The following FANK1 variants were observed in gnomAD, a reference collection of about 807,000 sequenced individuals.
The protein encoded by FANK1 is fibronectin type III and ankyrin repeat domains 1.
Under a neutral mutation model 45.3 loss-of-function variants are expected in FANK1, and 44 were observed. That is an observed-to-expected ratio of 0.97 (90% CI 0.76 to 1.25). The LOEUF (loss-of-function observed/expected upper bound fraction) is 1.25, where lower values mean the gene tolerates loss of function less well. Ranked by LOEUF, FANK1 falls within the 50% of genes most tolerant of loss-of-function variation. FANK1 has a pLI of 0.00. For missense variants in FANK1, 391 were observed against 424.4 expected (o/e 0.92, Z 0.69); for synonymous variants, 149 against 152.5 (o/e 0.98, Z 0.17).
Position 125,940,216 on chromosome 10 carries a change from G to A in FANK1, c.14-39945G>A, listed in dbSNP as rs1313220496. 5.3e-5 allele frequency among the ~76,000 whole-genome samples: 8 copies of A among 152,046 alleles called. No homozygotes were observed. The East Asian group carries it at 1.2e-3, about 22-fold the overall frequency. ...CCCAGGAGACCGGTGCTCAGCATAC[G>A]GAGGACCTGTACCAGCACCGGTCTC... On this transcript the variant is annotated intron_variant, in intron 1 of 10. Transcript: ENST00000368693.
chr10:125,990,880 G>T (rs1232394537), intron 3 of FANK1, among the ~76,000 whole-genome samples: 2 of 152,138 alleles, frequency 1.3e-5, no homozygotes, highest in Non-Finnish European at 2.9e-5. Context: ...TGTCTTCCAC[G>T]GCGGCAGGCA....
chr10:126,004,787 G>A, intron 6 of FANK1, 97 bp from the exon 7 acceptor site: 1 of 1,261,704 alleles, frequency 7.9e-7, no homozygotes, highest in Non-Finnish European at 1.1e-6. Flanking sequence ...TTCCACTCAA[G>A]TTAGGATTTC....
intron 6 of FANK1, 21 bp from the exon 7 acceptor site, chr10:126,004,863 C>T (rs2138283): frequency 0.99 from 1,595,090 of 1,612,462 alleles, 788,979 homozygotes; most frequent in East Asian, 1. Context: ...TGTCAAATGC[C>T]GCTTCTTCCA....
chr10:125,917,428 A>G (rs1482214310), intron 1 of FANK1, among the ~76,000 whole-genome samples: 2 of 152,174 alleles, frequency 1.3e-5, no homozygotes, highest in Non-Finnish European at 2.9e-5. Flanking sequence ...TTCATGAATC[A>G]TGAATAAAAG....
intron 1 of FANK1, among the ~76,000 whole-genome samples, chr10:125,933,413 A>G (rs1947877787): frequency 6.6e-6 from 1 of 151,972 alleles, no homozygotes; most frequent in African/African-American, 2.4e-5. Flanking sequence ...TTTTCTACTT[A>G]TGTGTGTAAA....
intron 1 of FANK1, among the ~76,000 whole-genome samples, chr10:125,905,072 A>G (rs1945375296): frequency 1.4e-5 from 2 of 143,704 alleles, no homozygotes; most frequent in African/African-American, 5.2e-5. Flanking sequence ...CGGACCTTGC[A>G]GTGAGCTGAA....
Position 125,899,355 on chromosome 10 carries a change from C to T in FANK1, c.13+2700C>T, listed in dbSNP as rs1007827942. Among the ~76,000 whole-genome samples the T allele has an allele frequency of 5.9e-5, 9 of 152,244 alleles. No individual in the cohort carries two copies. In the South Asian group the frequency reaches 6.2e-4, roughly 11 times the overall value. On this transcript the variant is annotated intron_variant, in intron 1 of 10. Transcript: ENST00000368693. Reference sequence around the variant, plus strand: ...GATTACAGGCGTGAGCCACCGTGCCCGGCCCCTAATTTTCTTTTTAATTTT... The same window carrying T: ...GATTACAGGCGTGAGCCACCGTGCCTGGCCCCTAATTTTCTTTTTAATTTT...
At chr10:126,008,627 T>G in intron 8 of FANK1, 77 bp downstream of exon 8, 1 of 1,518,428 alleles carries the variant, frequency 6.6e-7, no homozygotes, top group East Asian at 2.3e-5. Context: ...TAGACAATTC[T>G]TGTGAGTTCA....
At chr10:125,956,388 A>G (rs1190120535) in intron 1 of FANK1, among the ~76,000 whole-genome samples, 6 of 152,226 alleles carry the variant, frequency 3.9e-5, no homozygotes, top group Non-Finnish European at 8.8e-5. Context: ...TCCAAGCTCT[A>G]ATGTTAAGCC....
chr10:125,994,341 A>G (rs1300626223), intron 3 of FANK1: 4 of 957,932 alleles, frequency 4.2e-6, no homozygotes, highest in African/African-American at 1.8e-5. Flanking sequence ...CTAACCCCCT[A>G]GAGCCTAGCA....
intron 1 of FANK1, among the ~76,000 whole-genome samples, chr10:125,954,018 C>T (rs948622217): frequency 5.9e-5 from 9 of 152,332 alleles, no homozygotes; most frequent in East Asian, 5.8e-4. Flanking sequence ...GCACACCGAA[C>T]GAAGGAGGGA....
Position 125,996,561 on chromosome 10 carries a change from T to C in FANK1, c.410T>C (p.Val137Ala). The change falls in exon 5 of 11, where the codon GTT (valine) becomes GCT (alanine). Residue 137 changes from valine (V) to alanine (A), a missense_variant. Coordinates refer to ENST00000368693, the MANE Select transcript of FANK1 (RefSeq NM_145235.5). ...CTGCTTTTCCCAAGCCGTGTTAAGG[T>C]TGATGTTCCCAATAAGTTTGGCTTT... ...VRILQGGRVK[V>A]DVPNKFGFTA... 6.2e-7 allele frequency: 1 copy of C among 1,614,156 alleles called. No individual in the cohort carries two copies. The highest frequency in any genetic ancestry group is 8.5e-7 in the Non-Finnish European group (1 of 1,180,024).
chr10:125,939,047 C>G (rs928886956), intron 1 of FANK1, among the ~76,000 whole-genome samples: 1 of 152,128 alleles, frequency 6.6e-6, no homozygotes, highest in Non-Finnish European at 1.5e-5. Context: ...GGAAAATATA[C>G]AGTATCATCT....
At position 125,988,678 on chromosome 10, in the gene FANK1, G is replaced by A. The variant is rs754476974; in HGVS notation, c.316+3G>A. 1.9e-6 allele frequency: 3 copies of A among 1,614,174 alleles called. No homozygotes were observed. In the South Asian group the frequency reaches 3.3e-5, roughly 18 times the overall value. ...ACTCGTCTCAGTGTCTACAACCAGT[G>A]AGTATTCAGACCGTCCACACTCACC... On this transcript the variant is annotated splice_donor_region_variant and intron_variant, in intron 3 of 10. Transcript: ENST00000368693.
intron 1 of FANK1, among the ~76,000 whole-genome samples, chr10:125,952,796 TACATACACACACAC>T (rs1332477804): frequency 5.0e-5 from 5 of 101,008 alleles, no homozygotes; most frequent in East Asian, 2.9e-4. Context: ...CAGCAGGAAA[TACATACACACACAC>T]ACACACACAC....
At chr10:125,957,848 T>C (rs538687392) in intron 1 of FANK1, among the ~76,000 whole-genome samples, 1 of 152,228 alleles carries the variant, frequency 6.6e-6, no homozygotes, top group Non-Finnish European at 1.5e-5. Context: ...TTAAAGATAA[T>C]GTCACTAGGT....
intron 1 of FANK1, among the ~76,000 whole-genome samples, chr10:125,905,130 C>CAAAAAAAAAA (rs11289535): frequency 8.8e-5 from 6 of 68,134 alleles, no homozygotes; most frequent in African/African-American, 1.9e-4. Flanking sequence ...GACTCTGTCC[C>CAAAAAAAAAA]AAAAAAAAAA....
chr10:125,958,007 G>A (rs532797777), intron 1 of FANK1, among the ~76,000 whole-genome samples: 20 of 152,124 alleles, frequency 1.3e-4, no homozygotes, highest in African/African-American at 4.6e-4. Flanking sequence ...TACAGTGATC[G>A]CATCAGGGTA....
Position 125,980,350 on chromosome 10 carries a change from G to A in FANK1, c.191+12G>A. The A allele has an allele frequency of 6.2e-7, 1 of 1,602,970 alleles. No individual in the cohort carries two copies. The highest frequency in any genetic ancestry group is 8.5e-7 in the Non-Finnish European group (1 of 1,175,436). On this transcript the variant is annotated intron_variant, in intron 2 of 10. Coordinates refer to ENST00000368693, the MANE Select transcript of FANK1 (RefSeq NM_145235.5). ...GGTATCATTTATACGTAGGTGCAGT[G>A]TTGAATTGCTTGCCACTTTGCCTTA...
Sources: allele counts gnomAD v4.1 joint callset (sites outside exome capture counted in the v4.1 genomes callset), GRCh38; gene constraint gnomAD v4.1.1; transcripts MANE v1.5; gene names NCBI Gene and HGNC (gene_info 2026-07-23, HGNC 2026-07-21).